Variants in PSD3 observed in about 807,000 individuals in gnomAD.
PSD3 encodes pleckstrin and Sec7 domain containing 3.
In PSD3, 49 loss-of-function variants were observed where a neutral mutation model predicts 105.5. The observed-to-expected ratio is 0.46, with a 90% CI of 0.37 to 0.59. The LOEUF (loss-of-function observed/expected upper bound fraction) is 0.59, where lower values mean the gene tolerates loss of function less well. PSD3 is among the 20% of genes least tolerant of loss of function. The pLI is 0.00. For missense variants in PSD3, 1,561 were observed against 1,263.8 expected (o/e 1.24, Z -3.57); for synonymous variants, 557 against 457.8 (o/e 1.22, Z -2.77).
intron 9 of PSD3, among the ~76,000 whole-genome samples, chr8:18,667,380 T>A (rs1001051378): frequency 6.6e-6 from 1 of 152,158 alleles, no homozygotes; most frequent in Admixed American, 6.5e-5. Flanking sequence ...AAAGTGCTGA[T>A]TGGTGCATTT....
chr8:18,895,821 C>G (rs1047566056), intron 2 of PSD3, among the ~76,000 whole-genome samples: 1 of 152,218 alleles, frequency 6.6e-6, no homozygotes, highest in Admixed American at 6.5e-5. Flanking sequence ...AAAGTCCACT[C>G]TTTCGGCTAT....
chr8:18,536,392 G>T (rs1267754470), intron 15 of PSD3, among the ~76,000 whole-genome samples: 1 of 152,138 alleles, frequency 6.6e-6, no homozygotes, highest in Non-Finnish European at 1.5e-5. Flanking sequence ...CTTGGATATG[G>T]TTGTTTACTC....
chr8:18,743,464 G>GATAGATATCTATTGTATCTATACAAT (rs1311552888), intron 9 of PSD3, among the ~76,000 whole-genome samples: 1 of 152,100 alleles, frequency 6.6e-6, no homozygotes, highest in Non-Finnish European at 1.5e-5. Flanking sequence ...AATAGATAAT[G>GATAGATATCTATTGTATCTATACAAT]AGATAACAAG....
At chr8:18,548,232 C>T (rs1353975042) in intron 15 of PSD3, among the ~76,000 whole-genome samples, 1 of 152,040 alleles carries the variant, frequency 6.6e-6, no homozygotes, top group Non-Finnish European at 1.5e-5. Context: ...TCAATGAACT[C>T]TTGTATTCTT....
intron 9 of PSD3, among the ~76,000 whole-genome samples, chr8:18,737,417 T>G (rs1804234878): frequency 6.6e-6 from 1 of 152,178 alleles, no homozygotes; most frequent in African/African-American, 2.4e-5. Context: ...CTTGGCTTCC[T>G]GGGCTCAAGC....
At chr8:19,070,076 C>T (rs1465284643) in intron 1 of PSD3, among the ~76,000 whole-genome samples, 1 of 151,852 alleles carries the variant, frequency 6.6e-6, no homozygotes, top group Non-Finnish European at 1.5e-5. Context: ...TCCCAAGTAG[C>T]TGGATTAGGA....
intron 9 of PSD3, among the ~76,000 whole-genome samples, chr8:18,751,213 G>A (rs28502684): frequency 0.15 from 23,369 of 152,202 alleles, 3,487 homozygotes; most frequent in African/African-American, 0.39. Context: ...GGCCCGGCGA[G>A]AAATCGAGCA....
chr8:18,793,743 G>A (rs1367559941), intron 8 of PSD3, among the ~76,000 whole-genome samples: 2 of 152,178 alleles, frequency 1.3e-5, no homozygotes, highest in African/African-American at 2.4e-5. Context: ...GAGAAGCACA[G>A]ACAGAAGAGG....
At chr8:18,653,809 A>G (rs961058376) in intron 10 of PSD3, among the ~76,000 whole-genome samples, 2 of 152,122 alleles carry the variant, frequency 1.3e-5, no homozygotes, top group Non-Finnish European at 2.9e-5. Context: ...CCTCAAGAGT[A>G]TATGTATTTG....
intron 4 of PSD3, among the ~76,000 whole-genome samples, chr8:18,856,339 T>G (rs1468068978): frequency 6.6e-6 from 1 of 152,212 alleles, no homozygotes; most frequent in Admixed American, 6.5e-5. Context: ...GAGCAGCTGC[T>G]CATTAAGTTC....
chr8:18,992,824 T>G (rs1202741483), intron 1 of PSD3, among the ~76,000 whole-genome samples: 1 of 151,922 alleles, frequency 6.6e-6, no homozygotes, highest in Non-Finnish European at 1.5e-5. Context: ...TTCTGTTTCC[T>G]CATTTGCAAA....
chr8:18,774,468 T>C (rs1807843115), intron 8 of PSD3: 1 of 214,782 alleles, frequency 4.7e-6, no homozygotes, highest in Non-Finnish European at 9.3e-6. Context: ...ATACATCGTG[T>C]TCCTTCTAAC....
At chr8:18,997,715 G>A (rs1477228458) in intron 1 of PSD3, among the ~76,000 whole-genome samples, 2 of 151,968 alleles carry the variant, frequency 1.3e-5, no homozygotes, top group African/African-American at 2.4e-5. Context: ...TTCCTGGAAG[G>A]CAGGAAGTAT....
chr8:18,585,367 G>C (rs564878031), intron 12 of PSD3, among the ~76,000 whole-genome samples: 2 of 152,228 alleles, frequency 1.3e-5, no homozygotes, highest in Admixed American at 1.3e-4. Flanking sequence ...ACGCAGGCTA[G>C]AGTGCAATGA....
At chr8:18,695,746 T>A (rs1395624648) in intron 9 of PSD3, among the ~76,000 whole-genome samples, 4 of 152,314 alleles carry the variant, frequency 2.6e-5, no homozygotes, top group African/African-American at 9.6e-5. Flanking sequence ...TGAATTTATC[T>A]ACCTTGTAAC....
intron 1 of PSD3, among the ~76,000 whole-genome samples, chr8:18,965,141 C>A (rs1824160756): frequency 6.6e-6 from 1 of 152,154 alleles, no homozygotes. Flanking sequence ...CATCTCATTT[C>A]CTCCCCCACC....
At chr8:19,078,261 G>A (rs1829524051) in intron 1 of PSD3, among the ~76,000 whole-genome samples, 1 of 152,012 alleles carries the variant, frequency 6.6e-6, no homozygotes, top group Non-Finnish European at 1.5e-5. Flanking sequence ...GATTGTGGAA[G>A]CAAATCTATT....
chr8:18,763,081 A>C, intron 9 of PSD3: 1 of 470,576 alleles, frequency 2.1e-6, no homozygotes, highest in South Asian at 1.5e-5. Context: ...AATGACATGG[A>C]ACAACAGACA....
intron 9 of PSD3, among the ~76,000 whole-genome samples, chr8:18,657,226 A>G (rs1808967233): frequency 6.6e-6 from 1 of 152,134 alleles, no homozygotes; most frequent in African/African-American, 2.4e-5. Flanking sequence ...GTCTCATTCA[A>G]GTGTTTACAT....
Sources: allele counts gnomAD v4.1 joint callset (sites outside exome capture counted in the v4.1 genomes callset), GRCh38; gene constraint gnomAD v4.1.1; transcripts MANE v1.5; gene names NCBI Gene and HGNC (gene_info 2026-07-23, HGNC 2026-07-21).